LIFR: variants seen among roughly 807,000 people sequenced by gnomAD.
LIFR encodes the protein LIF receptor subunit alpha.
LIFR carries 84 observed loss-of-function variants against 122.2 expected under a neutral mutation model. The observed-to-expected ratio is 0.69, with a 90% CI of 0.58 to 0.82. The LOEUF (loss-of-function observed/expected upper bound fraction) is 0.82, where lower values mean the gene tolerates loss of function less well. Ranked by LOEUF, LIFR falls within the 40% of genes least tolerant of loss-of-function variation. LIFR has a pLI of 0.00. For missense variants in LIFR, 1,294 were observed against 1,311.6 expected (o/e 0.99, Z 0.21); for synonymous variants, 422 against 434.7 (o/e 0.97, Z 0.36).
At chr5:38,583,706 T>C (rs1279849194) in intron 1 of LIFR, among the ~76,000 whole-genome samples, 1 of 152,184 alleles carries the variant, frequency 6.6e-6, no homozygotes, top group East Asian at 1.9e-4. Flanking sequence ...AAAAGGGTAC[T>C]CAACATCACT....
chr5:38,513,545 A>G (rs757541277), intron 5 of LIFR, among the ~76,000 whole-genome samples: 1 of 152,244 alleles, frequency 6.6e-6, no homozygotes, highest in Non-Finnish European at 1.5e-5. Flanking sequence ...GGAAGAGATG[A>G]GAATGGGGAC....
chr5:38,561,611 G>A (rs541285523), upstream of LIFR, among the ~76,000 whole-genome samples: 2 of 152,314 alleles, frequency 1.3e-5, no homozygotes, highest in East Asian at 1.9e-4. Context: ...TTGGAAGGAT[G>A]CATGTGTATG....
At chr5:38,507,200 C>T (rs567720222) in intron 7 of LIFR, among the ~76,000 whole-genome samples, 1 of 152,048 alleles carries the variant, frequency 6.6e-6, no homozygotes, top group South Asian at 2.1e-4. Flanking sequence ...AAACTGCTCT[C>T]CCCAGCTTTA....
At position 38,530,141 on chromosome 5, in the gene LIFR, G is replaced by A. The variant is rs558931309; in HGVS notation, c.142+365C>T. 8.0e-4 allele frequency among the ~76,000 whole-genome samples: 122 copies of A among 152,266 alleles called. 1 individual carries two copies. Among genetic ancestry groups the A allele is most frequent in the African/African-American group, 2.9e-3 (121 of 41,558 alleles). Reference sequence around the variant, plus strand: ...GACAAGGCAGTGCTGGCAGGGGATGGGCCTGGGAGGGCTGACTACAGAGGA... The same window carrying A: ...GACAAGGCAGTGCTGGCAGGGGATGAGCCTGGGAGGGCTGACTACAGAGGA... On this transcript the variant is annotated intron_variant, in intron 2 of 19. Transcript: ENST00000453190.
At position 38,481,758 on chromosome 5, in the gene LIFR, G is replaced by A. The variant is rs755926450; in HGVS notation, c.3131C>T (p.Ser1044Phe). The stretch of plus-strand genomic sequence containing the variant: ...ACTGTTGCTGTCTATGGATCTAGGA[G>A]AGTCTGGAGACACTAAATTCCATGT... ...VNTWNLVSPD[S>F]PRSIDSNSEI... is the part of the protein sequence containing the mutation. Residue 1044 changes from serine to phenylalanine, a missense_variant, in exon 20 of 20, where the codon TCT becomes TTT. By Grantham distance (155) the Ser-to-Phe change is radical. Coordinates refer to ENST00000453190, the MANE Select transcript of LIFR (RefSeq NM_001127671.2). 2 of 1,614,154 alleles carry A rather than the reference G, an allele frequency of 1.2e-6. No individual in the cohort carries two copies. Among genetic ancestry groups the A allele is most frequent in the East Asian group, 4.5e-5 (2 of 44,886 alleles).
chr5:38,475,330 C>G lies in LIFR; in HGVS notation c.*6265G>C, dbSNP rs1269327950. ...TCTGTGAATCAGACTGAATCACACA[C>G]ATGTACTTCATCTATAGTTTTCTTC... On this transcript the variant is annotated 3_prime_UTR_variant, in exon 20 of 20. Transcript: ENST00000453190. The G allele has an allele frequency of 5.1e-6, 1 of 196,512 alleles. No homozygotes were observed. Among genetic ancestry groups the G allele is most frequent in the Non-Finnish European group, 1.1e-5 (1 of 94,608 alleles). 12.2% of individuals were successfully genotyped at this position (196,512 alleles called of 1,614,324 possible).
Position 38,506,088 on chromosome 5 carries a change from GA to G in LIFR, c.1122-15del. On this transcript the variant is annotated splice_polypyrimidine_tract_variant and intron_variant, in intron 8 of 19. Coordinates refer to ENST00000453190, the MANE Select transcript of LIFR (RefSeq NM_001127671.2). ...TTTCCTGAAAAACTGTTAATTAACA[GA>G]AAAATAATTTCAAAATGGCAAGAGA... 6.5e-7 allele frequency: 1 copy of G among 1,544,488 alleles called. No homozygotes were observed. The highest frequency in any genetic ancestry group is 8.9e-7 in the Non-Finnish European group (1 of 1,124,476).
chr5:38,519,427 T>C (rs1746283013), intron 5 of LIFR, among the ~76,000 whole-genome samples: 1 of 152,134 alleles, frequency 6.6e-6, no homozygotes, highest in African/African-American at 2.4e-5. Flanking sequence ...ATTTGGGGTA[T>C]CCATTATCTC....
rs35721914 is a variant in LIFR at position 38,555,712 on chromosome 5, T to TGG, written c.-20+620_-20+621dup. 4.7e-5 allele frequency among the ~76,000 whole-genome samples: 7 copies of TGG among 147,430 alleles called. No homozygotes were observed. In the East Asian group the frequency reaches 8.3e-4, roughly 17 times the overall value. Reference sequence around the variant, plus strand: ...CTCATATATTTTTGGTAGCGGAATGTGGGGGGTGGGGGGCAAAAATCACAT... The same window carrying TGG: ...CTCATATATTTTTGGTAGCGGAATGTGGGGGGGGTGGGGGGCAAAAATCACAT... On this transcript the variant is annotated intron_variant, in intron 1 of 19. Transcript: ENST00000453190.
chr5:38,549,252 TAC>T (rs58706799), intron 1 of LIFR, among the ~76,000 whole-genome samples: 15,769 of 147,688 alleles, frequency 0.11, 872 homozygotes, highest in African/African-American at 0.14. Context: ...TAGAAAATTG[TAC>T]ACACACACAC....
At position 38,489,108 on chromosome 5, in the gene LIFR, C is replaced by T; in HGVS notation, c.2305G>A (p.Asp769Asn). 1 of 1,613,096 alleles carries T rather than the reference C, an allele frequency of 6.2e-7. No homozygotes were observed. ...TCTAAAACCCTCATCTTAGATGTGT[C>T]TCTTTCTCCTTTTCCAAAGTAAAAC... ...YLFYFGKGER[D>N]TSKMRVLESG... Residue 769 changes from aspartate (D) to asparagine (N), a missense_variant, in exon 16 of 20, where the codon GAC becomes AAC. Transcript: ENST00000453190.
intron 7 of LIFR, among the ~76,000 whole-genome samples, chr5:38,509,618 GTCAA>G (rs1745685723): frequency 6.6e-6 from 1 of 151,444 alleles, no homozygotes; most frequent in African/African-American, 2.5e-5. Flanking sequence ...ATAAAATCTA[GTCAA>G]TCTATCTTAT....
At chr5:38,492,660 TGG>T (rs1744657861) in intron 14 of LIFR, among the ~76,000 whole-genome samples, 1 of 152,136 alleles carries the variant, frequency 6.6e-6, no homozygotes, top group South Asian at 2.1e-4. Context: ...ATCCAATGAA[TGG>T]GACCCATCCT....
At chr5:38,528,350 G>A (rs2112562836) in intron 3 of LIFR, among the ~76,000 whole-genome samples, 1 of 152,138 alleles carries the variant, frequency 6.6e-6, no homozygotes, top group East Asian at 1.9e-4. Flanking sequence ...GCCTGTGGTG[G>A]GCATGTGTGC....
upstream of LIFR, among the ~76,000 whole-genome samples, chr5:38,598,783 A>G (rs1471838693): frequency 6.6e-6 from 1 of 152,104 alleles, no homozygotes; most frequent in Non-Finnish European, 1.5e-5. Context: ...CTATTGTAGC[A>G]TTGTTCCCAC....
In LIFR at chr5:38,528,748, A is replaced by G. The variant is rs763849976; in HGVS notation, c.235T>C (p.Tyr79His). Residue 79 changes from tyrosine (Y) to histidine (H), a missense_variant, in exon 3 of 20, where the codon TAT (tyrosine) becomes CAT (histidine). By Grantham distance (83) the Tyr-to-His change is moderately conservative. Transcript: ENST00000453190. ...APSGTGRGTD[Y>H]EVCIENRSRS... ...TACCTGTTTTCAATGCAAACTTCAT[A>G]ATCAGTACCACGGCCTGTTCCAGAG... is the stretch of plus-strand genomic sequence containing the variant. The G allele has an allele frequency of 6.3e-7, 1 of 1,591,208 alleles. No homozygotes were observed. Among genetic ancestry groups the G allele is most frequent in the Non-Finnish European group, 8.6e-7 (1 of 1,166,126 alleles).
chr5:38,593,687 G>T (rs895461839), intron 1 of LIFR, among the ~76,000 whole-genome samples: 4 of 152,142 alleles, frequency 2.6e-5, no homozygotes, highest in African/African-American at 9.7e-5. Flanking sequence ...TAATGTGATG[G>T]CATTAGCAGG....
intron 1 of LIFR, among the ~76,000 whole-genome samples, chr5:38,546,745 G>T (rs567028403): frequency 6.6e-6 from 1 of 152,312 alleles, no homozygotes; most frequent in East Asian, 1.9e-4. Context: ...CAAAAGGCAG[G>T]ACAGGCCCAC....
rs773513597 is a variant in LIFR at position 38,523,505 on chromosome 5, C to G, written c.475G>C (p.Asp159His). ...STSTLYLKWN[D>H]RGSVFPHRSN... ...CGGTGTGGAAAAACTGAACCCCTGT[C>G]GTTCCACTTTAGGTATAATGTAGAG... The change falls in exon 5 of 20, where the codon GAC becomes CAC. Residue 159 changes from aspartate to histidine, a missense_variant. Transcript: ENST00000453190. 2 of 1,612,942 alleles carry G rather than the reference C, an allele frequency of 1.2e-6. No homozygotes were observed.
Sources: gnomAD v4.1 joint callset for allele counts (sites outside exome capture counted in the v4.1 genomes callset) on GRCh38, gnomAD v4.1.1 for gene constraint, MANE v1.5 for transcripts, NCBI Gene and HGNC (gene_info 2026-07-23, HGNC 2026-07-21) for gene names.